Variants in RBFOX1 observed in about 807,000 individuals in gnomAD.
The protein encoded by RBFOX1 is RNA binding fox-1 homolog 1, also known as RNA binding protein fox-1 homolog 1.
Under a neutral mutation model 57.7 loss-of-function variants are expected in RBFOX1, and 8 were observed. The observed-to-expected ratio is 0.14, with a 90% CI of 0.08 to 0.25. The LOEUF (loss-of-function observed/expected upper bound fraction) is 0.25, where lower values mean the gene tolerates loss of function less well. RBFOX1 is among the 10% of genes least tolerant of loss of function. The pLI is 1.00. For missense variants in RBFOX1, 611 were observed against 548.5 expected, an observed-to-expected ratio of 1.11 and a Z score of -1.14; for synonymous variants, 326 against 222.4, an observed-to-expected ratio of 1.47 and a Z score of -4.15.
intron 9 of RBFOX1, among the ~76,000 whole-genome samples, chr16:7,602,208 T>C (rs2095061351): frequency 6.6e-6 from 1 of 152,234 alleles, no homozygotes; most frequent in African/African-American, 2.4e-5. Context: ...TTAACCAGCA[T>C]ATTTTAGAAA....
intron 2 of RBFOX1, among the ~76,000 whole-genome samples, chr16:6,607,483 ACT>A (rs1195647322): frequency 1.1e-4 from 13 of 116,448 alleles, no homozygotes; most frequent in African/African-American, 3.8e-4. Context: ...GTCTCTCCTT[ACT>A]CTTTCTTCCT....
chr16:7,165,450 A>T (rs1476709870), intron 4 of RBFOX1, among the ~76,000 whole-genome samples: 2 of 150,592 alleles, frequency 1.3e-5, no homozygotes, highest in African/African-American at 4.9e-5. Flanking sequence ...ACCATTTGAG[A>T]TGGAGTTTCG....
At chr16:6,924,368 G>C (rs1185355063) in intron 3 of RBFOX1, among the ~76,000 whole-genome samples, 1 of 151,992 alleles carries the variant, frequency 6.6e-6, no homozygotes, top group African/African-American at 2.4e-5. Context: ...ACACGCAAGA[G>C]AGAGGGGAGG....
At chr16:6,393,544 AAG>A (rs2092696822) in intron 2 of RBFOX1, among the ~76,000 whole-genome samples, 1 of 152,140 alleles carries the variant, frequency 6.6e-6, no homozygotes, top group Admixed American at 6.5e-5. Context: ...CAAATCCTTG[AAG>A]ACCCCCCACA....
rs2072455873 is a variant in RBFOX1 at position 7,504,750 on chromosome 16, TATATTTATATATA to T, written c.28-13396_28-13384del. On this transcript the variant is annotated intron_variant, in intron 4 of 15. Coordinates refer to ENST00000550418, the MANE Select transcript of RBFOX1 (RefSeq NM_018723.4). ...ATATATATATATATATATATATATA[TATATTTATATATA>T]TATATATTTATATATATATATATTT... Among the ~76,000 whole-genome samples, 2 of 6,590 alleles carry T rather than the reference TATATTTATATATA, an allele frequency of 3.0e-4. 1 individual carries two copies. Among genetic ancestry groups the T allele is most frequent in the African/African-American group, 5.6e-4 (2 of 3,598 alleles). The allele number at this position is 6,590 out of a possible 152,430, so 4.3% of individuals were successfully genotyped here. A position where few individuals can be genotyped will look rare whatever the true frequency, so the allele number is the denominator to read the frequency against.
intron 2 of RBFOX1, among the ~76,000 whole-genome samples, chr16:5,537,431 A>G (rs115592039): frequency 0.016 from 2,502 of 152,340 alleles, 81 homozygotes; most frequent in African/African-American, 0.057. Context: ...TTATTATTTT[A>G]TAGTTATGTA....
chr16:6,826,480 C>G (rs1016309831), intron 3 of RBFOX1, among the ~76,000 whole-genome samples: 11 of 152,094 alleles, frequency 7.2e-5, no homozygotes, highest in African/African-American at 2.4e-4. Context: ...GAGAAAATAA[C>G]CTAGAACAGT....
At chr16:7,381,494 G>T (rs1054866918) in intron 4 of RBFOX1, among the ~76,000 whole-genome samples, 6 of 142,058 alleles carry the variant, frequency 4.2e-5, no homozygotes, top group African/African-American at 8.1e-5. Flanking sequence ...TTCATACATC[G>T]TTCCCCCCCG....
rs188684226 is a variant in RBFOX1 at position 5,564,159 on chromosome 16, G to A, written c.259-34743G>A. Among the ~76,000 whole-genome samples, 935 of 151,816 alleles carry A rather than the reference G, an allele frequency of 6.2e-3. 5 individuals carry two copies. The highest frequency in any genetic ancestry group is 9.1e-3 in the Non-Finnish European group (620 of 67,964). ...ATCCAGATAGCTGAGATTATGGTCC[G>A]CACCACCATGCCTGGCTAATTTTTG... is the stretch of plus-strand genomic sequence containing the variant. On this transcript the variant is annotated intron_variant, in intron 2 of 2. Coordinates refer to the RBFOX1 transcript ENST00000585867.
At chr16:6,503,149 T>C (rs1294754330) in intron 2 of RBFOX1, among the ~76,000 whole-genome samples, 1 of 152,230 alleles carries the variant, frequency 6.6e-6, no homozygotes, top group Non-Finnish European at 1.5e-5. Flanking sequence ...GACTTCATGG[T>C]AGGAGCATAC....
intron 4 of RBFOX1, among the ~76,000 whole-genome samples, chr16:7,147,987 A>C (rs1256890918): frequency 6.6e-6 from 1 of 152,178 alleles, no homozygotes; most frequent in African/African-American, 2.4e-5. Flanking sequence ...CCTTGCAGTC[A>C]CACAAGAGGT....
chr16:6,764,119 C>G (rs1222829107), intron 3 of RBFOX1, among the ~76,000 whole-genome samples: 1 of 152,182 alleles, frequency 6.6e-6, no homozygotes, highest in South Asian at 2.1e-4. Context: ...GCCTCCCAGT[C>G]TTTGCGTATG....
chr16:7,609,836 G>C (rs1172677588), intron 10 of RBFOX1, among the ~76,000 whole-genome samples: 1 of 136,684 alleles, frequency 7.3e-6, no homozygotes. Flanking sequence ...TGTTTGTTTT[G>C]AGATGGAGTT....
At chr16:7,101,373 A>T (rs1040484142) in intron 4 of RBFOX1, among the ~76,000 whole-genome samples, 4 of 152,224 alleles carry the variant, frequency 2.6e-5, no homozygotes, top group African/African-American at 7.2e-5. Flanking sequence ...TGTAATACTC[A>T]TCAGTAATTG....
intron 2 of RBFOX1, among the ~76,000 whole-genome samples, chr16:6,451,267 G>C (rs77816707): frequency 9.1e-4 from 139 of 152,138 alleles, no homozygotes; most frequent in African/African-American, 3.3e-3. Context: ...AGCATTCTGT[G>C]GGGTTAGAAG....
chr16:5,381,841 C>G (rs1220619899), intron 1 of RBFOX1, among the ~76,000 whole-genome samples: 2 of 152,198 alleles, frequency 1.3e-5, no homozygotes. Context: ...CCCTCAAGGT[C>G]TTGCAACCAA....
At chr16:6,987,838 A>G (rs2090632647) in intron 3 of RBFOX1, among the ~76,000 whole-genome samples, 1 of 152,162 alleles carries the variant, frequency 6.6e-6, no homozygotes, top group African/African-American at 2.4e-5. Context: ...GAGATTAGAA[A>G]TCCAGGTTTA....
chr16:6,451,506 C>T (rs1043440068), intron 2 of RBFOX1, among the ~76,000 whole-genome samples: 2 of 152,152 alleles, frequency 1.3e-5, no homozygotes, highest in Non-Finnish European at 2.9e-5. Context: ...AACACTTCCA[C>T]CTGTCAGCCT....
chr16:6,451,453 C>T (rs1195748573), intron 2 of RBFOX1, among the ~76,000 whole-genome samples: 1 of 152,082 alleles, frequency 6.6e-6, no homozygotes, highest in Non-Finnish European at 1.5e-5. Context: ...TATGGAGATG[C>T]AAGGAGACAG....
Sources: gnomAD v4.1 joint callset for allele counts (sites outside exome capture counted in the v4.1 genomes callset) on GRCh38, gnomAD v4.1.1 for gene constraint, MANE v1.5 for transcripts, NCBI Gene and HGNC (gene_info 2026-07-23, HGNC 2026-07-21) for gene names.